Variants in PFDN1 observed in about 807,000 individuals in gnomAD.
PFDN1 encodes prefoldin 1.
PFDN1 carries 6 observed loss-of-function variants against 17.3 expected under a neutral mutation model. The ratio of observed to expected loss-of-function variants is 0.35; its 90% CI spans 0.19 to 0.69. The LOEUF (loss-of-function observed/expected upper bound fraction) is 0.69, where lower values mean the gene tolerates loss of function less well. PFDN1 is among the 30% of genes least tolerant of loss of function. The pLI is 0.65. For missense variants in PFDN1, 113 were observed against 146.2 expected, an observed-to-expected ratio of 0.77 and a Z score of 1.17; for synonymous variants, 58 against 50.1, an observed-to-expected ratio of 1.16 and a Z score of -0.67.
chr5:140,246,388 G>A (rs139041186), intron 3 of PFDN1, among the ~76,000 whole-genome samples: 281 of 152,334 alleles, frequency 1.8e-3, no homozygotes, highest in African/African-American at 6.4e-3. Flanking sequence ...CAAAGGCCAG[G>A]AAATTCCAGG....
intron 3 of PFDN1, among the ~76,000 whole-genome samples, chr5:140,246,628 C>G (rs1036303825): frequency 6.6e-6 from 1 of 152,202 alleles, no homozygotes; most frequent in African/African-American, 2.4e-5. Context: ...ATCTGGGACA[C>G]TAAAACACTG....
intron 3 of PFDN1, among the ~76,000 whole-genome samples, chr5:140,253,349 C>T (rs976942530): frequency 6.6e-6 from 1 of 152,134 alleles, no homozygotes; most frequent in African/African-American, 2.4e-5. Context: ...CTGGCTAGCA[C>T]CCCCAATTCA....
At chr5:140,295,827 ATTTG>A (rs1033726765) in intron 2 of PFDN1, among the ~76,000 whole-genome samples, 9 of 152,020 alleles carry the variant, frequency 5.9e-5, no homozygotes, top group South Asian at 2.1e-4. Flanking sequence ...GTCTGCAATG[ATTTG>A]TTTAACTAAA....
chr5:140,261,178 AAAAG>A (rs1581084440), intron 3 of PFDN1, among the ~76,000 whole-genome samples: 8 of 151,730 alleles, frequency 5.3e-5, no homozygotes, highest in African/African-American at 1.2e-4. Context: ...AAAAAAAAAA[AAAAG>A]AAAGGATATT....
intron 2 of PFDN1, among the ~76,000 whole-genome samples, chr5:140,299,663 GCTC>G (rs1319909794): frequency 3.3e-5 from 5 of 151,562 alleles, no homozygotes; most frequent in East Asian, 1.9e-4. Context: ...CTGAAGTTCA[GCTC>G]CTCATTTTAA....
intron 1 of PFDN1, 105 bp downstream of exon 1, chr5:140,302,936 G>A: frequency 2.3e-6 from 2 of 857,894 alleles, no homozygotes; most frequent in Non-Finnish European, 4.1e-6. Context: ...TAGTCCACTG[G>A]ACCCTCCTTC....
At position 140,291,286 on chromosome 5, in the gene PFDN1, T is replaced by G. The variant is rs78231554; in HGVS notation, c.200+9130A>C. On this transcript the variant is annotated intron_variant, in intron 2 of 3. Transcript: ENST00000261813. ...ATGGTAAATTAGACCAGGGTGGTGG[T>G]AAGTAGAAGTCTTCAGATTCTGAAC... Among the ~76,000 whole-genome samples the G allele has an allele frequency of 6.2e-3, 940 of 152,280 alleles. 8 individuals are homozygous for G. Among genetic ancestry groups the G allele is most frequent in the Non-Finnish European group, 0.01 (699 of 68,012 alleles).
At chr5:140,250,905 A>C (rs908510589) in intron 3 of PFDN1, among the ~76,000 whole-genome samples, 2 of 152,170 alleles carry the variant, frequency 1.3e-5, no homozygotes, top group African/African-American at 4.8e-5. Context: ...GAATATGTTA[A>C]CTAGCTTGAT....
chr5:140,282,753 C>T (rs1450254606), intron 2 of PFDN1, among the ~76,000 whole-genome samples: 1 of 152,162 alleles, frequency 6.6e-6, no homozygotes, highest in Admixed American at 6.5e-5. Context: ...TTTATAGCCC[C>T]AAGTAAGTGA....
At chr5:140,265,302 T>C (rs1765120478) in intron 3 of PFDN1, among the ~76,000 whole-genome samples, 1 of 152,060 alleles carries the variant, frequency 6.6e-6, no homozygotes, top group Non-Finnish European at 1.5e-5. Flanking sequence ...ATTCACTTGG[T>C]TATTTGGACT....
chr5:140,258,084 G>C (rs1267675387), intron 3 of PFDN1, among the ~76,000 whole-genome samples: 2 of 152,182 alleles, frequency 1.3e-5, no homozygotes, highest in Non-Finnish European at 2.9e-5. Flanking sequence ...GATGAGGCTG[G>C]TGAGGCTGAG....
intron 2 of PFDN1, chr5:140,292,754 A>C (rs1010277230): frequency 6.6e-6 from 1 of 152,128 alleles, no homozygotes; most frequent in Non-Finnish European, 1.5e-5. Flanking sequence ...ATGGGCACTA[A>C]TGGTACATGT....
chr5:140,258,762 T>C (rs995756256), intron 3 of PFDN1, among the ~76,000 whole-genome samples: 1 of 152,062 alleles, frequency 6.6e-6, no homozygotes, highest in Non-Finnish European at 1.5e-5. Flanking sequence ...AGAGAAGAAA[T>C]GCAGGAGGAG....
intron 3 of PFDN1, chr5:140,274,067 G>A (rs1482503630): frequency 5.9e-6 from 1 of 170,626 alleles, no homozygotes; most frequent in East Asian, 1.9e-4. Flanking sequence ...TAGATCATCT[G>A]AATGCTGACT....
At chr5:140,301,970 C>G (rs1210368160) in intron 1 of PFDN1, among the ~76,000 whole-genome samples, 1 of 152,138 alleles carries the variant, frequency 6.6e-6, no homozygotes, top group Non-Finnish European at 1.5e-5. Context: ...TTACAAGATT[C>G]AAGACAAGAA....
At chr5:140,292,091 T>C (rs1765589985) in intron 2 of PFDN1, among the ~76,000 whole-genome samples, 1 of 152,218 alleles carries the variant, frequency 6.6e-6, no homozygotes, top group Non-Finnish European at 1.5e-5. Context: ...ATGATGTTTA[T>C]TTCGGGTTAC....
intron 3 of PFDN1, among the ~76,000 whole-genome samples, chr5:140,266,692 A>AAC (rs376911838): frequency 2.6e-5 from 4 of 152,166 alleles, no homozygotes; most frequent in Non-Finnish European, 5.9e-5. Flanking sequence ...CAGAATGTGG[A>AAC]ACACACACAC....
At chr5:140,251,603 C>T (rs1000869100) in intron 3 of PFDN1, among the ~76,000 whole-genome samples, 8 of 152,192 alleles carry the variant, frequency 5.3e-5, no homozygotes, top group Admixed American at 1.3e-4. Flanking sequence ...TTCTGTCTTG[C>T]CGAGCAATTT....
At chr5:140,257,223 C>CAAA (rs201028967) in intron 3 of PFDN1, among the ~76,000 whole-genome samples, 1 of 75,026 alleles carries the variant, frequency 1.3e-5, no homozygotes, top group Non-Finnish European at 2.8e-5. Flanking sequence ...AACTCCATCT[C>CAAA]AAAAAAAAAA....
Sources: allele counts gnomAD v4.1 joint callset (sites outside exome capture counted in the v4.1 genomes callset), GRCh38; gene constraint gnomAD v4.1.1; transcripts MANE v1.5; gene names NCBI Gene and HGNC (gene_info 2026-07-23, HGNC 2026-07-21).